The following TENM3 variants were observed in gnomAD, a reference collection of about 807,000 sequenced individuals.
TENM3 encodes teneurin transmembrane protein 3.
Under a neutral mutation model 255.1 loss-of-function variants are expected in TENM3, and 63 were observed. The ratio of observed to expected loss-of-function variants is 0.25; its 90% CI spans 0.20 to 0.30. The LOEUF is 0.30. TENM3 is among the 10% of genes least tolerant of loss of function. TENM3 has a pLI of 1.00. For missense variants in TENM3, 2,929 were observed against 3,461.1 expected, an observed-to-expected ratio of 0.85 and a Z score of 3.86; for synonymous variants, 1,306 against 1,322.3, an observed-to-expected ratio of 0.99 and a Z score of 0.27.
intron 1 of TENM3, among the ~76,000 whole-genome samples, chr4:182,294,221 AGAATCAGCCTGC>A (rs1761316911): frequency 6.6e-6 from 1 of 152,148 alleles, no homozygotes; most frequent in Non-Finnish European, 1.5e-5. Flanking sequence ...TTCTTTTCTT[AGAATCAGCCTGC>A]GAGATTCGTG....
the TENM3 span, among the ~76,000 whole-genome samples, chr4:181,735,009 T>G: frequency 1.3e-5 from 2 of 152,138 alleles, no homozygotes; most frequent in Admixed American, 6.5e-5. Context: ...AAGAAGCAAT[T>G]AACAAGTATG....
At chr4:182,160,248 C>T (rs1407274798) in intron 1 of TENM3, among the ~76,000 whole-genome samples, 5 of 152,000 alleles carry the variant, frequency 3.3e-5, no homozygotes, top group Admixed American at 1.3e-4. Flanking sequence ...GTGATCCGCC[C>T]GCCTCGGCCT....
chr4:181,465,764 A>G, the TENM3 span, among the ~76,000 whole-genome samples: 2 of 152,038 alleles, frequency 1.3e-5, no homozygotes, highest in East Asian at 1.9e-4. Flanking sequence ...TTCCCCCTTC[A>G]CTTTAGTAGC....
At chr4:182,562,001 T>C (rs557124511) in intron 3 of TENM3, among the ~76,000 whole-genome samples, 16 of 151,254 alleles carry the variant, frequency 1.1e-4, no homozygotes, top group Admixed American at 2.7e-4. Context: ...GATAGATAGA[T>C]AGATAGATAG....
chr4:181,842,151 T>G, the TENM3 span, among the ~76,000 whole-genome samples: 10 of 152,320 alleles, frequency 6.6e-5, no homozygotes, highest in South Asian at 1.9e-3. Flanking sequence ...TCAAATGTAA[T>G]AATTACATAT....
chr4:181,922,585 C>G, the TENM3 span, among the ~76,000 whole-genome samples: 2 of 152,076 alleles, frequency 1.3e-5, no homozygotes, highest in African/African-American at 2.4e-5. Flanking sequence ...GTGATATCCC[C>G]TTTATCATTT....
chr4:181,794,940 A>G, the TENM3 span, among the ~76,000 whole-genome samples: 1 of 152,142 alleles, frequency 6.6e-6, no homozygotes, highest in Non-Finnish European at 1.5e-5. Context: ...TCAGTCCAGA[A>G]ATTCACAGAA....
At chr4:181,460,126 T>C in the TENM3 span, among the ~76,000 whole-genome samples, 1 of 151,946 alleles carries the variant, frequency 6.6e-6, no homozygotes. Context: ...TTGTCACAAA[T>C]ACATAGAAAT....
chr4:181,681,393 C>T, the TENM3 span, among the ~76,000 whole-genome samples: 1 of 152,074 alleles, frequency 6.6e-6, no homozygotes, highest in Admixed American at 6.6e-5. Context: ...CAGTCTGTTT[C>T]TCCCCCCTGT....
At chr4:182,768,542 T>C (rs1182810187) in intron 22 of TENM3, among the ~76,000 whole-genome samples, 2 of 152,122 alleles carry the variant, frequency 1.3e-5, no homozygotes, top group African/African-American at 2.4e-5. Context: ...AGGGAAGCTC[T>C]GGGAATAGAA....
At chr4:182,666,333 T>C (rs1471333833) in intron 6 of TENM3, among the ~76,000 whole-genome samples, 2 of 152,242 alleles carry the variant, frequency 1.3e-5, no homozygotes, top group African/African-American at 4.8e-5. Flanking sequence ...AAAGATGTTC[T>C]ACTGTGGGTA....
chr4:181,492,028 T>A, the TENM3 span, among the ~76,000 whole-genome samples: 7 of 152,290 alleles, frequency 4.6e-5, no homozygotes, highest in African/African-American at 1.7e-4. Flanking sequence ...CCGTTTCTTC[T>A]TAGTAGTAGT....
chr4:182,242,163 C>T (rs1347493831), upstream of TENM3, among the ~76,000 whole-genome samples: 1 of 151,674 alleles, frequency 6.6e-6, no homozygotes, highest in South Asian at 2.1e-4. Context: ...CACCCAATAA[C>T]TCGTCATTTA....
At chr4:181,605,320 C>T in the TENM3 span, among the ~76,000 whole-genome samples, 639 of 151,614 alleles carry the variant, frequency 4.2e-3, 5 homozygotes, top group African/African-American at 0.015. Context: ...CCGGGTGTGC[C>T]TGTAGTCCCA....
intron 24 of TENM3, among the ~76,000 whole-genome samples, chr4:182,779,057 C>CT (rs922109180): frequency 1.3e-3 from 115 of 90,018 alleles, no homozygotes; most frequent in Middle Eastern, 6.2e-3. Context: ...TTTTCCTTTT[C>CT]TTTTTTTTTT....
At chr4:182,147,423 G>A (rs1020163938) in intron 1 of TENM3, among the ~76,000 whole-genome samples, 8 of 152,124 alleles carry the variant, frequency 5.3e-5, no homozygotes, top group Non-Finnish European at 1.2e-4. Context: ...TATTAATATT[G>A]GTTATTTAAA....
chr4:182,776,364 A>T (rs577785503), intron 24 of TENM3, among the ~76,000 whole-genome samples: 1 of 152,298 alleles, frequency 6.6e-6, no homozygotes, highest in African/African-American at 2.4e-5. Flanking sequence ...GTGAGTCGAG[A>T]TCGCGCCACT....
chr4:182,733,590 C>T (rs533069855), intron 16 of TENM3, among the ~76,000 whole-genome samples: 2 of 152,010 alleles, frequency 1.3e-5, no homozygotes, highest in Non-Finnish European at 2.9e-5. Context: ...GGGAGTCATT[C>T]GCATATAAAT....
rs114835329 is a variant in TENM3, at chr4:182,492,767, A to G, written c.512-108157A>G. On this transcript the variant is annotated intron_variant, in intron 3 of 27. Transcript: ENST00000511685. ...TTAAATTATGCAGGAGAAAATAACA[A>G]TAAACTGAGTTACAGCATCAAGATA... 2.1e-3 allele frequency among the ~76,000 whole-genome samples: 313 copies of G among 152,308 alleles called. 1 individual carries two copies. Among genetic ancestry groups the G allele is most frequent in the Middle Eastern group, 3.4e-3 (1 of 294 alleles).
Sources: gnomAD v4.1 joint callset for allele counts (sites outside exome capture counted in the v4.1 genomes callset) on GRCh38, gnomAD v4.1.1 for gene constraint, MANE v1.5 for transcripts, NCBI Gene and HGNC (gene_info 2026-07-23, HGNC 2026-07-21) for gene names.